Variants in KIF1B observed in about 807,000 individuals in gnomAD.
The protein encoded by KIF1B is kinesin family member 1B, also known as kinesin-like protein KIF1B.
Under a neutral mutation model 241.9 loss-of-function variants are expected in KIF1B, and 76 were observed. That is an observed-to-expected ratio of 0.31 (90% CI 0.26 to 0.38). The LOEUF is 0.38. Ranked by LOEUF, KIF1B falls within the 10% of genes least tolerant of loss-of-function variation. The pLI is 1.00. For synonymous variants in KIF1B, 750 were observed against 796.7 expected (o/e 0.94, Z 0.99); for missense variants, 1,622 against 2,271.4 (o/e 0.71, Z 5.81).
In KIF1B at chr1:10,342,070, A is replaced by C. The variant is rs1265416063; in HGVS notation, c.3534A>C (p.Glu1178Asp). 6.2e-7 allele frequency: 1 copy of C among 1,609,792 alleles called. No individual in the cohort carries two copies. The highest frequency in any genetic ancestry group is 1.3e-5 in the African/African-American group (1 of 74,830). Residue 1178 changes from glutamate (E) to aspartate (D), a missense_variant, in exon 33 of 49, where the codon GAA becomes GAC. By Grantham distance (45) the Glu-to-Asp change is conservative. Coordinates refer to ENST00000676179, the MANE Select transcript of KIF1B (RefSeq NM_001365951.3). ...TTTAGATTGCAGTGGAGATCACTGA[A>C]TCATTTGTGGATTACATCAAAACCA... ...HVQNIAVEIT[E>D]SFVDYIKTKP...
chr1:10,238,975 G>A (rs775425487), intron 2 of KIF1B, among the ~76,000 whole-genome samples: 13 of 151,814 alleles, frequency 8.6e-5, no homozygotes, highest in Non-Finnish European at 1.2e-4. Flanking sequence ...TTGAGACAGG[G>A]TCTCACTCTG....
intron 22 of KIF1B, among the ~76,000 whole-genome samples, chr1:10,308,843 A>G (rs1264801670): frequency 6.6e-6 from 1 of 152,250 alleles, no homozygotes; most frequent in African/African-American, 2.4e-5. Context: ...TTTCACTTAC[A>G]TAAAATCTTT....
Position 10,365,531 on chromosome 1 carries a change from C to A in KIF1B, c.4635C>A (p.Ile1545=), listed in dbSNP as rs1250638762. ...SSGTLSTSTS[I]SSQISTTTFE... Reference sequence around the variant, plus strand: ...GGACCCTCAGCACCTCCACCAGTATCTCCTCTCAGATCTCAACCACTACCT... The same window carrying A: ...GGACCCTCAGCACCTCCACCAGTATATCCTCTCAGATCTCAACCACTACCT... Residue 1545 remains isoleucine, a synonymous_variant, in exon 43 of 49, where the codon ATC becomes ATA. Transcript: ENST00000676179. The surrounding 1 kb of genome is among the most constrained non-coding windows in gnomAD (Gnocchi z 4.0). The A allele has an allele frequency of 3.7e-6, 6 of 1,614,076 alleles. No homozygotes were observed. The highest frequency in any genetic ancestry group is 4.2e-6 in the Non-Finnish European group (5 of 1,180,050).
chr1:10,252,341 T>G (rs1400525491), intron 2 of KIF1B, among the ~76,000 whole-genome samples: 2 of 151,204 alleles, frequency 1.3e-5, no homozygotes, highest in Admixed American at 6.6e-5. Context: ...TGCCCAGCCA[T>G]CAGTTCCCAC....
intron 5 of KIF1B, among the ~76,000 whole-genome samples, chr1:10,262,186 T>C (rs1232540439): frequency 6.6e-6 from 1 of 152,166 alleles, no homozygotes; most frequent in Non-Finnish European, 1.5e-5. Flanking sequence ...CTCACTCTGT[T>C]GCCCAGGCCC....
At chr1:10,372,716 G>A (rs185146752) in intron 45 of KIF1B, among the ~76,000 whole-genome samples, 2,557 of 139,110 alleles carry the variant, frequency 0.018, 31 homozygotes, top group Non-Finnish European at 0.028. Context: ...TGCAAGCTCC[G>A]CCTCCCAGGT....
Position 10,337,615 on chromosome 1 carries a change from T to A in KIF1B, c.3422+82T>A. 7.0e-7 allele frequency: 1 copy of A among 1,436,272 alleles called. No individual in the cohort carries two copies. The highest frequency in any genetic ancestry group is 1.4e-5 in the African/African-American group (1 of 71,404). 89.0% of individuals were successfully genotyped at this position (1,436,272 alleles called of 1,614,324 possible). On this transcript the variant is annotated intron_variant, in intron 31 of 48. Coordinates refer to ENST00000676179, the MANE Select transcript of KIF1B (RefSeq NM_001365951.3). This position sits in a 1 kb window ranked among gnomAD's most constrained non-coding sequence, Gnocchi z 4.0. The stretch of plus-strand genomic sequence containing the variant: ...TGTGCACTGTAGAGTGCTTTACATG[T>A]GTGAGGGATTAACACTCTTGAGACA...
chr1:10,346,309 C>T (rs556193742), intron 35 of KIF1B, among the ~76,000 whole-genome samples: 8 of 152,228 alleles, frequency 5.3e-5, no homozygotes, highest in Admixed American at 3.9e-4. Context: ...TTTGCCTTCT[C>T]GTTAGCAACA....
chr1:10,230,755 T>A (rs189005026), intron 1 of KIF1B: 1 of 152,304 alleles, frequency 6.6e-6, no homozygotes, highest in Admixed American at 6.5e-5. Flanking sequence ...TTACAGAAGT[T>A]ACTTACTTGG....
At chr1:10,295,023 T>C in intron 17 of KIF1B, 63 bp from the exon 18 acceptor site, 1 of 1,071,854 alleles carries the variant, frequency 9.3e-7, no homozygotes, top group South Asian at 1.2e-5. Context: ...TGTAGGCCCC[T>C]GTTGTTACCA....
intron 1 of KIF1B, among the ~76,000 whole-genome samples, chr1:10,214,454 T>C (rs1470248641): frequency 6.6e-6 from 1 of 151,600 alleles, no homozygotes; most frequent in Non-Finnish European, 1.5e-5. Context: ...CATGCCCAGC[T>C]AATTTTTGTA....
intron 15 of KIF1B, among the ~76,000 whole-genome samples, chr1:10,290,392 A>G (rs576730240): frequency 1.2e-4 from 18 of 152,254 alleles, no homozygotes; most frequent in Non-Finnish European, 2.1e-4. Flanking sequence ...AAACCTTTCT[A>G]TGTTGACTGC....
intron 15 of KIF1B, among the ~76,000 whole-genome samples, chr1:10,290,088 A>G (rs762908357): frequency 1.3e-5 from 2 of 152,118 alleles, no homozygotes; most frequent in African/African-American, 2.4e-5. Context: ...TCTGGTATAC[A>G]GTAACCTCCT....
At chr1:10,270,174 A>G (rs1648711911) in intron 7 of KIF1B, among the ~76,000 whole-genome samples, 1 of 152,170 alleles carries the variant, frequency 6.6e-6, no homozygotes, top group African/African-American at 2.4e-5. Context: ...TAGCGCCACA[A>G]TCCAGATAAT....
rs751246033 is a variant in KIF1B, at chr1:10,268,271, A to G, written c.720+8A>G. On this transcript the variant is annotated splice_region_variant and intron_variant, in intron 7 of 48. Coordinates refer to ENST00000676179, the MANE Select transcript of KIF1B (RefSeq NM_001365951.3). Reference sequence around the variant, plus strand: ...AACCTTTCCACTGAGAAGGTAGGAGAGTTTCAGTCTCTAGGCTTGAGTTGT... The same window carrying G: ...AACCTTTCCACTGAGAAGGTAGGAGGGTTTCAGTCTCTAGGCTTGAGTTGT... 4.5e-6 allele frequency: 7 copies of G among 1,543,554 alleles called. No individual in the cohort carries two copies. The Admixed American group carries it at 8.4e-5, about 18-fold the overall frequency.
chr1:10,275,388 C>A, intron 10 of KIF1B, 40 bp from the exon 11 acceptor site: 1 of 1,162,968 alleles, frequency 8.6e-7, no homozygotes, highest in South Asian at 1.2e-5. Context: ...ATTTTTTTCC[C>A]TAACGAAAAA....
At chr1:10,366,393 C>T (rs1028888536) in intron 43 of KIF1B, among the ~76,000 whole-genome samples, 4 of 151,874 alleles carry the variant, frequency 2.6e-5, no homozygotes, top group East Asian at 1.9e-4. Context: ...TGAAAGGATG[C>T]GCAGGAGGGA....
At chr1:10,254,955 C>T (rs1647692206) in intron 2 of KIF1B, among the ~76,000 whole-genome samples, 1 of 146,312 alleles carries the variant, frequency 6.8e-6, no homozygotes, top group Non-Finnish European at 1.5e-5. Flanking sequence ...TTTCATTTCT[C>T]TTTTTTTTCT....
chr1:10,307,039 A>G (rs1215459786), intron 22 of KIF1B: 23 of 1,039,224 alleles, frequency 2.2e-5, no homozygotes, highest in Admixed American at 5.6e-5. Context: ...TTGGGTTTAT[A>G]TTTGTGCTTC....
Sources: gnomAD v4.1 joint callset for allele counts (sites outside exome capture counted in the v4.1 genomes callset) on GRCh38, gnomAD v4.1.1 for gene constraint, Gnocchi (gnomAD v3.1) non-coding constraint, MANE v1.5 for transcripts, NCBI Gene and HGNC (gene_info 2026-07-23, HGNC 2026-07-21) for gene names.